SYT12: variants seen among roughly 807,000 people sequenced by gnomAD.
SYT12 encodes the protein synaptotagmin-12.
SYT12 carries 27 observed loss-of-function variants against 39.5 expected under a neutral mutation model. That is an observed-to-expected ratio of 0.68 (90% CI 0.50 to 0.94). SYT12 has a LOEUF of 0.94. Among genes scored for constraint, SYT12 ranks in the 40% least tolerant of loss-of-function variants. The pLI, the probability that SYT12 is intolerant of heterozygous loss-of-function variation, is 0.00. For synonymous variants in SYT12, 233 were observed against 239.7 expected, an observed-to-expected ratio of 0.97 and a Z score of 0.26; for missense variants, 536 against 572.6, an observed-to-expected ratio of 0.94 and a Z score of 0.65.
intron 3 of SYT12, among the ~76,000 whole-genome samples, chr11:67,036,983 G>T (rs1035285429): frequency 6.6e-6 from 1 of 152,230 alleles, no homozygotes; most frequent in African/African-American, 2.4e-5. Context: ...TGAGACAGGA[G>T]AATTGCTTGA....
At position 67,043,603 on chromosome 11, in the gene SYT12, G is replaced by T. The variant is rs567872287; in HGVS notation, c.622-35G>T. The T allele has an allele frequency of 2.5e-6, 4 of 1,607,934 alleles. No homozygotes were observed. In the African/African-American group the frequency reaches 5.3e-5, roughly 21 times the overall value. ...CTGTCTCCCTGCTGTGGCCTCTCAGGCCCCTAGCGCCCTCCATGGCCTTTT... is the reference window on the plus strand; with the variant it reads ...CTGTCTCCCTGCTGTGGCCTCTCAGTCCCCTAGCGCCCTCCATGGCCTTTT... On this transcript the variant is annotated intron_variant, in intron 4 of 7. Coordinates refer to ENST00000527043, the MANE Select transcript of SYT12 (RefSeq NM_177963.4).
intron 3 of SYT12, among the ~76,000 whole-genome samples, chr11:67,035,481 G>A (rs1371672523): frequency 8.4e-5 from 10 of 118,352 alleles, no homozygotes; most frequent in Non-Finnish European, 1.5e-4. Flanking sequence ...TTTTTGAGAC[G>A]GAGTCTCGCT....
intron 1 of SYT12, among the ~76,000 whole-genome samples, chr11:67,008,022 C>T (rs1949984935): frequency 6.7e-6 from 1 of 150,290 alleles, no homozygotes. Flanking sequence ...GGCCTGATCT[C>T]GGCTCAGTGC....
intron 6 of SYT12, among the ~76,000 whole-genome samples, chr11:67,045,295 G>C (rs1290212849): frequency 6.6e-6 from 1 of 151,930 alleles, no homozygotes; most frequent in Non-Finnish European, 1.5e-5. Context: ...GGTAGGTGGG[G>C]GGGGCAGCTC....
chr11:67,034,589 G>C lies in SYT12; in HGVS notation c.35-56G>C. On this transcript the variant is annotated intron_variant, in intron 2 of 7. Coordinates refer to ENST00000527043, the MANE Select transcript of SYT12 (RefSeq NM_177963.4). ...ATGTAGAAGTCGGTGCTGCTCCCCG[G>C]GTGGGGGTCTGTATCCACTAGGAAG... The C allele has an allele frequency of 6.6e-6, 10 of 1,505,278 alleles. No individual in the cohort carries two copies. The South Asian group carries it at 1.3e-4, about 20-fold the overall frequency. 93.2% of individuals were successfully genotyped at this position (1,505,278 alleles called of 1,614,324 possible).
intron 3 of SYT12, among the ~76,000 whole-genome samples, chr11:67,035,846 C>T (rs1240129265): frequency 1.9e-5 from 2 of 107,794 alleles, no homozygotes; most frequent in Non-Finnish European, 3.7e-5. Context: ...TCCTTTCTTT[C>T]TTTCTTTCTT....
upstream of SYT12, among the ~76,000 whole-genome samples, chr11:67,022,100 G>C (rs1950116111): frequency 6.6e-6 from 1 of 151,952 alleles, no homozygotes; most frequent in Admixed American, 6.6e-5. Context: ...ATTTTTAGTA[G>C]AGACGGGGTT....
intron 1 of SYT12, chr11:67,027,988 T>A (rs1199352338): frequency 6.6e-6 from 1 of 152,238 alleles, no homozygotes; most frequent in Non-Finnish European, 1.5e-5. Flanking sequence ...TGGTGACCCA[T>A]TTGACCTGCA....
intron 3 of SYT12, among the ~76,000 whole-genome samples, chr11:67,035,837 C>CCTTTCTTTCTTTCTTT (rs1157424282): frequency 1.5e-4 from 17 of 111,142 alleles, no homozygotes; most frequent in African/African-American, 5.6e-4. Flanking sequence ...TTCCTTCCTT[C>CCTTTCTTTCTTTCTTT]CTTTCTTTCT....
At position 67,049,032 on chromosome 11, in the gene SYT12, G is replaced by A. The variant is rs1160877389; in HGVS notation, c.*275G>A. 4 of 390,802 alleles carry A rather than the reference G, an allele frequency of 1.0e-5. No homozygotes were observed. The highest frequency in any genetic ancestry group is 2.0e-5 in the African/African-American group (1 of 50,238). 24.2% of individuals were successfully genotyped at this position (390,802 alleles called of 1,614,324 possible). A position where few individuals can be genotyped will look rare whatever the true frequency, so the allele number is the denominator to read the frequency against. ...TGCTCCTCCCGGTAGGCCAGCTGCCGAGCTGGGCTATGTTCTGGAACCCAG... is the reference window on the plus strand; with the variant it reads ...TGCTCCTCCCGGTAGGCCAGCTGCCAAGCTGGGCTATGTTCTGGAACCCAG... On this transcript the variant is annotated 3_prime_UTR_variant, in exon 8 of 8. Coordinates refer to ENST00000527043, the MANE Select transcript of SYT12 (RefSeq NM_177963.4).
intron 1 of SYT12, chr11:67,027,949 A>G (rs1184294299): frequency 1.3e-5 from 2 of 152,238 alleles, no homozygotes; most frequent in Non-Finnish European, 2.9e-5. Context: ...AGCTTCCGCC[A>G]GGAGCTAGGA....
In SYT12 at chr11:67,034,761, C is replaced by G. The variant is rs887797012; in HGVS notation, c.151C>G (p.Pro51Ala). Residue 51 changes from proline to alanine, a missense_variant, in exon 3 of 8, where the codon CCC (proline) becomes GCC (alanine). Coordinates refer to ENST00000527043, the MANE Select transcript of SYT12 (RefSeq NM_177963.4). Reference protein sequence around the residue: ...KLWTSGSFPSPSPFPNYDYRY... With the variant: ...KLWTSGSFPSASPFPNYDYRY... ...CTGGACGTCGGGGAGCTTCCCCAGC[C>G]CCTCTCCGTTCCCCAATTACGACTA... 1.2e-6 allele frequency: 2 copies of G among 1,603,098 alleles called. No homozygotes were observed. The highest frequency in any genetic ancestry group is 1.7e-6 in the Non-Finnish European group (2 of 1,176,046).
chr11:67,047,628 T>A (rs547144846), intron 7 of SYT12, among the ~76,000 whole-genome samples: 113 of 150,978 alleles, frequency 7.5e-4, no homozygotes, highest in Non-Finnish European at 8.3e-4. Flanking sequence ...AGAGCCCAAG[T>A]CACTGCCCAA....
chr11:67,040,994 C>T (rs186459561), intron 4 of SYT12, among the ~76,000 whole-genome samples: 2 of 151,608 alleles, frequency 1.3e-5, no homozygotes, highest in Admixed American at 6.6e-5. Flanking sequence ...TCCTTCTCTA[C>T]CAAAAAAAAT....
exon 3 of SYT12, chr11:67,010,831 G>C (rs1191663766): frequency 4.6e-5 from 7 of 152,148 alleles, no homozygotes; most frequent in Non-Finnish European, 1.0e-4. Flanking sequence ...AGAACAAGTT[G>C]AACCAAAGGA....
rs1305915421 is a variant in SYT12 at position 67,030,195 on chromosome 11, A to G, written c.34+17A>G. The G allele has an allele frequency of 1.2e-6, 2 of 1,613,864 alleles. No individual in the cohort carries two copies. Among genetic ancestry groups the G allele is most frequent in the African/African-American group, 1.3e-5 (1 of 74,936 alleles). On this transcript the variant is annotated intron_variant, in intron 2 of 7. Transcript: ENST00000527043. ...ATCTGAGCGGTGAGTGCCCAGGGCAAACCCCTCCTGGATCACGCCTGCGAG... is the reference window on the plus strand; with the variant it reads ...ATCTGAGCGGTGAGTGCCCAGGGCAGACCCCTCCTGGATCACGCCTGCGAG...
intron 4 of SYT12, among the ~76,000 whole-genome samples, chr11:67,043,176 C>T (rs1206974843): frequency 6.6e-6 from 1 of 152,206 alleles, no homozygotes; most frequent in Non-Finnish European, 1.5e-5. Flanking sequence ...TCGCCTAGTC[C>T]TCCCTTCCAT....
intron 3 of SYT12, among the ~76,000 whole-genome samples, chr11:67,035,408 T>C (rs1950339246): frequency 6.6e-6 from 1 of 150,782 alleles, no homozygotes; most frequent in South Asian, 2.1e-4. Flanking sequence ...TAACCTGATA[T>C]ATTTTTCTTC....
At chr11:67,037,658 A>T (rs1950407740) in intron 3 of SYT12, among the ~76,000 whole-genome samples, 2 of 152,174 alleles carry the variant, frequency 1.3e-5, no homozygotes, top group South Asian at 4.1e-4. Flanking sequence ...TGAGGTGGGC[A>T]TCACCTGAGG....
Sources: gnomAD v4.1 joint callset for allele counts (sites outside exome capture counted in the v4.1 genomes callset) on GRCh38, gnomAD v4.1.1 for gene constraint, MANE v1.5 for transcripts, NCBI Gene and HGNC (gene_info 2026-07-23, HGNC 2026-07-21) for gene names.